NUP98: variants seen among roughly 807,000 people sequenced by gnomAD.
NUP98 encodes nuclear pore complex protein Nup98-Nup96.
Under a neutral mutation model 191.9 loss-of-function variants are expected in NUP98, and 26 were observed. The observed-to-expected ratio is 0.14, with a 90% CI of 0.10 to 0.19. The LOEUF is 0.19. NUP98 is among the 10% of genes least tolerant of loss of function. The pLI is 1.00. For synonymous variants in NUP98, 808 were observed against 778.4 expected, an observed-to-expected ratio of 1.04 and a Z score of -0.63; for missense variants, 1,941 against 2,178.8, an observed-to-expected ratio of 0.89 and a Z score of 2.17.
At chr11:3,778,724 T>C (rs747684083) in intron 4 of NUP98, 149 bp downstream of exon 4, 41 of 714,040 alleles carry the variant, frequency 5.7e-5, no homozygotes, top group Non-Finnish European at 8.3e-5. Context: ...ATTAACCTTT[T>C]CAGTACATAT....
intron 1 of NUP98, among the ~76,000 whole-genome samples, chr11:3,787,097 T>C (rs1200573833): frequency 6.6e-6 from 1 of 152,162 alleles, no homozygotes; most frequent in African/African-American, 2.4e-5. Flanking sequence ...TTAAACTGAA[T>C]GAAAATTTTT....
At chr11:3,708,419 C>T (rs968553755) in intron 20 of NUP98, among the ~76,000 whole-genome samples, 2 of 152,032 alleles carry the variant, frequency 1.3e-5, no homozygotes, top group South Asian at 2.1e-4. Flanking sequence ...CGTTAAATAA[C>T]CAGATTAGAG....
intron 1 of NUP98, among the ~76,000 whole-genome samples, chr11:3,785,276 G>A (rs1395785224): frequency 6.6e-6 from 1 of 151,616 alleles, no homozygotes; most frequent in Non-Finnish European, 1.5e-5. Context: ...ATCACTTCAC[G>A]GCAATGACAG....
At chr11:3,767,153 G>A (rs2081366588) in intron 8 of NUP98, among the ~76,000 whole-genome samples, 1 of 151,938 alleles carries the variant, frequency 6.6e-6, no homozygotes, top group Admixed American at 6.6e-5. Context: ...GGTAGAGACG[G>A]GGTTTCACCA....
intron 10 of NUP98, among the ~76,000 whole-genome samples, chr11:3,754,941 C>CAA (rs34606573): frequency 0.024 from 1,574 of 64,938 alleles, 69 homozygotes; most frequent in African/African-American, 0.037. Context: ...GACACTATCT[C>CAA]AAAAAAAAAA....
At chr11:3,705,921 G>A (rs951231153) in intron 21 of NUP98, among the ~76,000 whole-genome samples, 3 of 151,052 alleles carry the variant, frequency 2.0e-5, no homozygotes, top group Admixed American at 6.6e-5. Flanking sequence ...AGGCCAACGC[G>A]GGCAGATCAC....
At chr11:3,702,927 A>G in intron 22 of NUP98, 35 bp from the exon 23 acceptor site, 2 of 1,496,410 alleles carry the variant, frequency 1.3e-6, no homozygotes, top group Non-Finnish European at 1.8e-6. Flanking sequence ...GAGAAAGACT[A>G]TTACAAAACA....
At chr11:3,677,755 A>T (rs1026108791) in intron 31 of NUP98, among the ~76,000 whole-genome samples, 3 of 152,202 alleles carry the variant, frequency 2.0e-5, no homozygotes, top group African/African-American at 4.8e-5. Context: ...ATATTCAATG[A>T]GAAAGTGGTT....
chr11:3,787,918 G>A (rs1413494147), intron 1 of NUP98, among the ~76,000 whole-genome samples: 1 of 152,152 alleles, frequency 6.6e-6, no homozygotes, highest in East Asian at 1.9e-4. Context: ...CTTGAATCCA[G>A]GAGGCGGAGG....
chr11:3,722,428 T>G (rs1368379557), intron 16 of NUP98, among the ~76,000 whole-genome samples: 5 of 151,910 alleles, frequency 3.3e-5, no homozygotes, highest in Admixed American at 1.3e-4. Flanking sequence ...TGTCAAAGTA[T>G]AAACTTCTTT....
intron 8 of NUP98, among the ~76,000 whole-genome samples, chr11:3,766,770 G>T (rs1188904434): frequency 6.6e-6 from 1 of 151,628 alleles, no homozygotes; most frequent in East Asian, 1.9e-4. Flanking sequence ...GCTATTCCGG[G>T]TTCCTTCTTA....
At chr11:3,784,591 A>AC (rs1467658900) in intron 1 of NUP98, among the ~76,000 whole-genome samples, 8 of 142,206 alleles carry the variant, frequency 5.6e-5, no homozygotes, top group African/African-American at 2.1e-4. Flanking sequence ...AAAACAAAAA[A>AC]AAAACAAAAA....
intron 10 of NUP98, among the ~76,000 whole-genome samples, chr11:3,754,830 C>T (rs1298016588): frequency 6.7e-6 from 1 of 150,236 alleles, no homozygotes; most frequent in African/African-American, 2.5e-5. Flanking sequence ...GAATCCCAAC[C>T]ACTTGGGAGG....
intron 28 of NUP98, among the ~76,000 whole-genome samples, chr11:3,689,158 G>A (rs180953311): frequency 1.9e-4 from 29 of 152,196 alleles, no homozygotes; most frequent in African/African-American, 6.5e-4. Context: ...GCCTGAACCC[G>A]GGTGGTTGAG....
intron 20 of NUP98, among the ~76,000 whole-genome samples, chr11:3,709,056 C>T (rs1353668171): frequency 1.3e-5 from 2 of 152,140 alleles, no homozygotes; most frequent in African/African-American, 4.8e-5. Context: ...CTGCCAATAC[C>T]TAACGATACA....
chr11:3,702,916 G>A (rs1178512889), intron 22 of NUP98, 24 bp from the exon 23 acceptor site: 1 of 1,557,042 alleles, frequency 6.4e-7, no homozygotes, highest in Non-Finnish European at 8.7e-7. Context: ...GGAATGAAGG[G>A]GAGAAAGACT....
chr11:3,679,778 C>T, intron 30 of NUP98, 70 bp from the exon 31 acceptor site: 1 of 1,445,332 alleles, frequency 6.9e-7, no homozygotes, highest in Non-Finnish European at 9.4e-7. Context: ...GAAGACATGG[C>T]AGGAAGACAG....
intron 1 of NUP98, among the ~76,000 whole-genome samples, chr11:3,790,827 C>T (rs1206452812): frequency 3.9e-5 from 6 of 152,082 alleles, no homozygotes; most frequent in African/African-American, 1.4e-4. Context: ...CAAAGGATAT[C>T]AAGGGGCAAA....
rs750589228 is a variant in NUP98 at position 3,705,192 on chromosome 11, T to C, written c.3082+8A>G. 18 of 1,613,788 alleles carry C rather than the reference T, an allele frequency of 1.1e-5. No homozygotes were observed. Among genetic ancestry groups the C allele is most frequent in the Admixed American group, 3.3e-5 (2 of 59,998 alleles). On this transcript the variant is annotated splice_region_variant and intron_variant, in intron 22 of 32. Coordinates refer to ENST00000324932, the MANE Select transcript of NUP98 (RefSeq NM_016320.5). The stretch of plus-strand genomic sequence containing the variant: ...CTTTCTTGTAAAATAGCATCTTTTA[T>C]ACTGTACCTAGTGAACGAGTTTTCG...
Sources: allele counts gnomAD v4.1 joint callset (sites outside exome capture counted in the v4.1 genomes callset), GRCh38; gene constraint gnomAD v4.1.1; transcripts MANE v1.5; gene names NCBI Gene and HGNC (gene_info 2026-07-23, HGNC 2026-07-21).